ST3GAL6: variants seen among roughly 807,000 people sequenced by gnomAD.
ST3GAL6 encodes the protein ST3 beta-galactoside alpha-2,3-sialyltransferase 6.
Under a neutral mutation model 40.5 loss-of-function variants are expected in ST3GAL6, and 31 were observed. The ratio of observed to expected loss-of-function variants is 0.77; its 90% CI spans 0.58 to 1.03. The LOEUF (loss-of-function observed/expected upper bound fraction) is 1.03, where lower values mean the gene tolerates loss of function less well. ST3GAL6 is among the 50% of genes least tolerant of loss of function. The pLI is 0.00. For synonymous variants in ST3GAL6, 129 were observed against 136.9 expected (o/e 0.94, Z 0.40); for missense variants, 357 against 393.2 (o/e 0.91, Z 0.78).
intron 1 of ST3GAL6, among the ~76,000 whole-genome samples, chr3:98,767,147 A>G (rs278365): frequency 0.029 from 4,395 of 152,328 alleles, 87 homozygotes; most frequent in Admixed American, 0.049. Context: ...AACAGCTGAC[A>G]GCAAGGGAGG....
At chr3:98,762,908 T>C (rs542420617), upstream of ST3GAL6, 116 of 985,404 alleles carry the variant, frequency 1.2e-4, no homozygotes, top group African/African-American at 1.9e-3. Flanking sequence ...TAGTAAGTGG[T>C]TAATAAACTG....
In ST3GAL6 at chr3:98,795,210, T is replaced by A. The variant is rs1941511138; in HGVS notation, c.*1449T>A. The A allele has an allele frequency of 6.6e-6, 1 of 152,146 alleles. No homozygotes were observed. The highest frequency in any genetic ancestry group is 1.5e-5 in the Non-Finnish European group (1 of 68,042). The allele number at this position is 152,146 out of a possible 1,614,324, so 9.4% of individuals were successfully genotyped here. A position where few individuals can be genotyped will look rare whatever the true frequency, so the allele number is the denominator to read the frequency against. On this transcript the variant is annotated 3_prime_UTR_variant, in exon 10 of 10. Transcript: ENST00000483910. ...GAAGAGGTATGAGCTGAAGAAAGAATTACTCTCTTTTGACCAATAAATACA... is the reference window on the plus strand; with the variant it reads ...GAAGAGGTATGAGCTGAAGAAAGAAATACTCTCTTTTGACCAATAAATACA...
At chr3:98,790,870 G>A (rs1257894310) in intron 8 of ST3GAL6, among the ~76,000 whole-genome samples, 1 of 152,146 alleles carries the variant, frequency 6.6e-6, no homozygotes, top group African/African-American at 2.4e-5. Context: ...TGGGATCAAT[G>A]AGGCTGAATG....
chr3:98,773,019 A>G, intron 4 of ST3GAL6, 103 bp downstream of exon 4: 1 of 639,244 alleles, frequency 1.6e-6, no homozygotes, highest in Non-Finnish European at 2.7e-6. Flanking sequence ...TCTGCTTCCT[A>G]ATGATTTCCA....
chr3:98,771,732 A>G (rs984720286), intron 3 of ST3GAL6, among the ~76,000 whole-genome samples: 7 of 152,318 alleles, frequency 4.6e-5, no homozygotes, highest in South Asian at 4.1e-4. Context: ...CTGCAAATAC[A>G]TAAGACTTTT....
chr3:98,784,495 C>T (rs572180306), intron 5 of ST3GAL6: 5 of 155,932 alleles, frequency 3.2e-5, no homozygotes, highest in African/African-American at 1.2e-4. Context: ...GTAATGCTGG[C>T]AAAGAATGTA....
chr3:98,784,076 G>A (rs2107307991), intron 5 of ST3GAL6, among the ~76,000 whole-genome samples: 1 of 152,306 alleles, frequency 6.6e-6, no homozygotes, highest in East Asian at 1.9e-4. Context: ...CTGGTCTGCT[G>A]ATTTCACGGG....
At chr3:98,750,524 C>T (rs72932619) in intron 1 of ST3GAL6, among the ~76,000 whole-genome samples, 130 of 152,018 alleles carry the variant, frequency 8.6e-4, no homozygotes, top group African/African-American at 3.1e-3. Flanking sequence ...AAATTCTTGC[C>T]ACTCAAAGCA....
intron 5 of ST3GAL6, among the ~76,000 whole-genome samples, chr3:98,777,959 A>C (rs1346041674): frequency 6.6e-6 from 1 of 152,142 alleles, no homozygotes; most frequent in Non-Finnish European, 1.5e-5. Flanking sequence ...TCTGCCCCCT[A>C]GTCCTAAGGA....
rs1353396426 is a variant in ST3GAL6 at position 98,795,368 on chromosome 3, G to A, written c.*1607G>A. 6.6e-6 allele frequency: 1 copy of A among 152,162 alleles called. No homozygotes were observed. The highest frequency in any genetic ancestry group is 1.5e-5 in the Non-Finnish European group (1 of 68,032). The allele number at this position is 152,162 out of a possible 1,614,324, so 9.4% of individuals were successfully genotyped here. A position where few individuals can be genotyped will look rare whatever the true frequency, so the allele number is the denominator to read the frequency against. ...GCGGTACTTATAAAGCAGAATAAAG[G>A]GGAGAACAGTAGTAGTTGATCTAAC... On this transcript the variant is annotated 3_prime_UTR_variant, in exon 10 of 10. Transcript: ENST00000483910.
intron 2 of ST3GAL6, among the ~76,000 whole-genome samples, 180 bp downstream of exon 2, chr3:98,768,709 A>G (rs1938639830): frequency 6.6e-6 from 1 of 152,200 alleles, no homozygotes; most frequent in South Asian, 2.1e-4. Flanking sequence ...GAACAATTTA[A>G]AAGTTGACAA....
Position 98,791,958 on chromosome 3 carries a change from T to C in ST3GAL6, c.874T>C (p.Tyr292His). The C allele has an allele frequency of 6.2e-7, 1 of 1,613,842 alleles. No homozygotes were observed. The highest frequency in any genetic ancestry group is 8.5e-7 in the Non-Finnish European group (1 of 1,179,802). The change falls in exon 9 of 10, where the codon TAC becomes CAC. Residue 292 changes from tyrosine to histidine, a missense_variant. Transcript: ENST00000483910. ...TTCTGACCTCAAGAGTCCTTTGCAC[T>C]ACTATGGGAATGCCACCATGTCTTT... The part of the protein sequence containing the change: ...NFSDLKSPLH[Y>H]YGNATMSLMN...
chr3:98,792,639 TG>T (rs1941302642), intron 9 of ST3GAL6, among the ~76,000 whole-genome samples: 1 of 151,438 alleles, frequency 6.6e-6, no homozygotes, highest in African/African-American at 2.4e-5. Flanking sequence ...CCCTAGTTTC[TG>T]GGATAACAGG....
Position 98,768,517 on chromosome 3 carries a change from C to A in ST3GAL6, c.77C>A (p.Thr26Lys). The change falls in exon 2 of 10, where the codon ACG (threonine) becomes AAG (lysine). Residue 26 changes from threonine (T) to lysine (K), a missense_variant. Thr to Lys is a moderately conservative substitution (Grantham distance 78). Transcript: ENST00000483910. Reference sequence around the variant, plus strand: ...GTACTGCATTGCATATTATGGGGAACGAATGTCTATTGGTAAGTTTCATTT... The same window carrying A: ...GTACTGCATTGCATATTATGGGGAAAGAATGTCTATTGGTAAGTTTCATTT... ...YYVLHCILWG[T>K]NVYWVAPVEM... 6.2e-7 allele frequency: 1 copy of A among 1,608,928 alleles called. No individual in the cohort carries two copies. The highest frequency in any genetic ancestry group is 1.3e-5 in the African/African-American group (1 of 74,882).
chr3:98,752,474 T>C (rs1428012801), intron 1 of ST3GAL6, among the ~76,000 whole-genome samples: 19 of 151,892 alleles, frequency 1.3e-4, no homozygotes. Context: ...ATTTTATTTA[T>C]TTATTTTATT....
chr3:98,768,281 GAGT>G lies in ST3GAL6; in HGVS notation c.-11-147_-11-145del. ...AACATTATCTTTCTGCACGTTTAGTGAGTATTTCCAAAATTACATGCCCACATC... is the reference window on the plus strand; with the variant it reads ...AACATTATCTTTCTGCACGTTTAGTGATTTCCAAAATTACATGCCCACATC... On this transcript the variant is annotated intron_variant, in intron 1 of 9. Coordinates refer to ENST00000483910, the MANE Select transcript of ST3GAL6 (RefSeq NM_001323368.2). 2.1e-5 allele frequency: 6 copies of G among 291,030 alleles called. 1 individual carries two copies. Among genetic ancestry groups the G allele is most frequent in the East Asian group, 1.3e-4 (2 of 14,904 alleles). The allele number at this position is 291,030 out of a possible 1,614,324, so 18.0% of individuals were successfully genotyped here. A position where few individuals can be genotyped will look rare whatever the true frequency, so the allele number is the denominator to read the frequency against.
chr3:98,771,054 CA>C (rs1331098339), intron 3 of ST3GAL6, 98 bp downstream of exon 3: 2 of 1,502,544 alleles, frequency 1.3e-6, no homozygotes, highest in African/African-American at 2.8e-5. Flanking sequence ...CAAATCTTAG[CA>C]GTATAAAGTG....
At chr3:98,763,465 T>C (rs1938000545) in intron 1 of ST3GAL6, 26 bp downstream of exon 1, 1 of 1,289,438 alleles carries the variant, frequency 7.8e-7, no homozygotes, top group Middle Eastern at 2.1e-4. Flanking sequence ...GGTTACCTGC[T>C]TAAGGGGAAG....
chr3:98,769,344 A>G (rs1264234048), intron 2 of ST3GAL6, among the ~76,000 whole-genome samples: 4 of 152,238 alleles, frequency 2.6e-5, no homozygotes, highest in Non-Finnish European at 4.4e-5. Context: ...AAAAAACCCA[A>G]TGCCAGGTGG....
Sources: gnomAD v4.1 joint callset for allele counts (sites outside exome capture counted in the v4.1 genomes callset) on GRCh38, gnomAD v4.1.1 for gene constraint, MANE v1.5 for transcripts, NCBI Gene and HGNC (gene_info 2026-07-23, HGNC 2026-07-21) for gene names.